TRAPPC9: variants seen among roughly 807,000 people sequenced by gnomAD.
TRAPPC9 encodes the protein IKK2 binding protein.
Under a neutral mutation model 124.0 loss-of-function variants are expected in TRAPPC9, and 83 were observed. That is an observed-to-expected ratio of 0.67 (90% confidence interval 0.56 to 0.80). TRAPPC9 has a LOEUF of 0.80. Among genes scored for constraint, TRAPPC9 ranks in the 30% least tolerant of loss-of-function variants. The pLI, the probability that TRAPPC9 is intolerant of heterozygous loss-of-function variation, is 0.00. For missense variants in TRAPPC9, 1,302 were observed against 1,508.3 expected (o/e 0.86, Z 2.27); for synonymous variants, 638 against 617.5 (o/e 1.03, Z -0.49).
chr8:140,094,104 C>T (rs763400294), intron 17 of TRAPPC9, among the ~76,000 whole-genome samples: 1 of 152,146 alleles, frequency 6.6e-6, no homozygotes, highest in East Asian at 1.9e-4. Context: ...GCCCACTCAT[C>T]GCACCTCACC....
intron 21 of TRAPPC9, among the ~76,000 whole-genome samples, chr8:139,870,330 G>GC (rs1828819495): frequency 6.6e-6 from 1 of 152,190 alleles, no homozygotes; most frequent in Non-Finnish European, 1.5e-5. Flanking sequence ...ATGGGAGAAT[G>GC]TTTTAAAAAT....
intron 16 of TRAPPC9, among the ~76,000 whole-genome samples, chr8:140,232,192 C>A (rs2063615934): frequency 6.6e-6 from 1 of 152,128 alleles, no homozygotes; most frequent in Non-Finnish European, 1.5e-5. Context: ...CCCACCTTGG[C>A]CTCCCAAAGT....
intron 18 of TRAPPC9, among the ~76,000 whole-genome samples, chr8:139,998,444 C>T (rs566754180): frequency 5.3e-5 from 8 of 152,284 alleles, no homozygotes; most frequent in African/African-American, 9.6e-5. Flanking sequence ...ATGGACTGGG[C>T]GCAGTGGCTC....
chr8:139,880,815 A>C (rs1327466560), intron 21 of TRAPPC9, among the ~76,000 whole-genome samples: 1 of 152,190 alleles, frequency 6.6e-6, no homozygotes, highest in Non-Finnish European at 1.5e-5. Flanking sequence ...AAACAGGAAA[A>C]TATCATGCCC....
intron 17 of TRAPPC9, among the ~76,000 whole-genome samples, chr8:140,042,298 A>AT: frequency 6.6e-6 from 1 of 152,216 alleles, no homozygotes; most frequent in East Asian, 1.9e-4. Context: ...TCAGTATACA[A>AT]TTTTTTCAAC....
intron 16 of TRAPPC9, among the ~76,000 whole-genome samples, chr8:140,227,126 G>A (rs184524598): frequency 1.3e-5 from 2 of 152,308 alleles, no homozygotes; most frequent in Non-Finnish European, 2.9e-5. Flanking sequence ...CGCCCATACA[G>A]GAACAGAGCT....
intron 18 of TRAPPC9, among the ~76,000 whole-genome samples, chr8:139,993,592 T>C (rs1207581532): frequency 1.3e-5 from 2 of 152,222 alleles, no homozygotes; most frequent in Non-Finnish European, 2.9e-5. Context: ...AAGTGTTCAA[T>C]GCAACATCAT....
At chr8:140,128,108 C>T (rs759473618) in intron 17 of TRAPPC9, among the ~76,000 whole-genome samples, 12 of 152,236 alleles carry the variant, frequency 7.9e-5, no homozygotes, top group Non-Finnish European at 1.5e-4. Flanking sequence ...TTAGAATTTA[C>T]AATTGTGTTA....
At chr8:140,167,333 TA>T (rs1294349496) in intron 17 of TRAPPC9, among the ~76,000 whole-genome samples, 1 of 152,098 alleles carries the variant, frequency 6.6e-6, no homozygotes, top group Non-Finnish European at 1.5e-5. Flanking sequence ...ATTTCAAAAA[TA>T]GGGGTGAAGT....
intron 18 of TRAPPC9, among the ~76,000 whole-genome samples, chr8:140,023,356 C>G (rs775152901): frequency 6.6e-6 from 1 of 152,234 alleles, no homozygotes; most frequent in African/African-American, 2.4e-5. Context: ...TCTCTTGCCA[C>G]CTCTGGGTTT....
chr8:139,875,406 T>C (rs2131061616), intron 21 of TRAPPC9, among the ~76,000 whole-genome samples: 1 of 152,324 alleles, frequency 6.6e-6, no homozygotes, highest in South Asian at 2.1e-4. Flanking sequence ...TGGGGGCCTG[T>C]GAACAGAGGC....
intron 17 of TRAPPC9, among the ~76,000 whole-genome samples, chr8:140,170,367 T>A (rs1461677216): frequency 6.6e-6 from 1 of 152,192 alleles, no homozygotes; most frequent in African/African-American, 2.4e-5. Context: ...AGGAAAATGA[T>A]CTTCCAAAGG....
chr8:139,775,936 C>T (rs1821335406), intron 21 of TRAPPC9, among the ~76,000 whole-genome samples: 1 of 152,216 alleles, frequency 6.6e-6, no homozygotes, highest in South Asian at 2.1e-4. Flanking sequence ...ACACCCAAGG[C>T]AGGTCCACTC....
intron 5 of TRAPPC9, among the ~76,000 whole-genome samples, chr8:140,405,901 A>T (rs192827469): frequency 1.6e-4 from 25 of 152,312 alleles, no homozygotes; most frequent in Admixed American, 1.0e-3. Flanking sequence ...AACTCAAAAT[A>T]AGTTTTCCTC....
chr8:140,058,946 GT>G (rs778366792), intron 17 of TRAPPC9, among the ~76,000 whole-genome samples: 33 of 152,276 alleles, frequency 2.2e-4, no homozygotes, highest in Admixed American at 1.7e-3. Flanking sequence ...CTGGTTCTGC[GT>G]TGTTGCTGCT....
chr8:139,804,718 C>T (rs1311866649), intron 21 of TRAPPC9, among the ~76,000 whole-genome samples: 6 of 146,148 alleles, frequency 4.1e-5, no homozygotes, highest in East Asian at 2.0e-4. Context: ...CACCCACCAC[C>T]GGCACCAAGC....
At chr8:140,274,383 G>A (rs531788504) in intron 15 of TRAPPC9, among the ~76,000 whole-genome samples, 1 of 152,310 alleles carries the variant, frequency 6.6e-6, no homozygotes, top group African/African-American at 2.4e-5. Flanking sequence ...CACGGCTCCA[G>A]CCCCGTGACC....
intron 21 of TRAPPC9, among the ~76,000 whole-genome samples, chr8:139,861,423 G>A (rs145941152): frequency 6.6e-6 from 1 of 152,306 alleles, no homozygotes; most frequent in African/African-American, 2.4e-5. Flanking sequence ...GGTGACTTAG[G>A]TCAGAGCAGG....
chr8:140,394,564 C>T (rs2069031293), intron 7 of TRAPPC9, among the ~76,000 whole-genome samples: 1 of 152,198 alleles, frequency 6.6e-6, no homozygotes, highest in South Asian at 2.1e-4. Context: ...GCCCATCTGA[C>T]AGCGCGACTC....
Sources: gnomAD v4.1 joint callset for allele counts (sites outside exome capture counted in the v4.1 genomes callset) on GRCh38, gnomAD v4.1.1 for gene constraint, MANE v1.5 for transcripts, NCBI Gene and HGNC (gene_info 2026-07-23, HGNC 2026-07-21) for gene names.